The following PRTG variants were observed in gnomAD, a reference collection of about 807,000 sequenced individuals.
The protein encoded by PRTG is protogenin.
In PRTG, 67 loss-of-function variants were observed where a neutral mutation model predicts 122.5. The ratio of observed to expected loss-of-function variants is 0.55; its 90% CI spans 0.45 to 0.67. The LOEUF is 0.67. Ranked by LOEUF, PRTG falls within the 30% of genes least tolerant of loss-of-function variation. The pLI, the probability that PRTG is intolerant of heterozygous loss-of-function variation, is 0.00. For missense variants in PRTG, 1,435 were observed against 1,415.4 expected, an observed-to-expected ratio of 1.01 and a Z score of -0.22; for synonymous variants, 554 against 501.1, an observed-to-expected ratio of 1.11 and a Z score of -1.41.
intron 11 of PRTG, chr15:55,656,207 C>A: frequency 3.3e-6 from 1 of 298,862 alleles, no homozygotes; most frequent in South Asian, 3.1e-5. Flanking sequence ...CACAAGAATC[C>A]AGGATTACAC....
At chr15:55,695,932 T>C (rs1378354222) in intron 2 of PRTG, among the ~76,000 whole-genome samples, 2 of 151,048 alleles carry the variant, frequency 1.3e-5, no homozygotes, top group African/African-American at 2.4e-5. Flanking sequence ...GATTGCACCA[T>C]TGCACTCCAA....
In PRTG at chr15:55,739,893, G is replaced by T. The variant is rs2031554669; in HGVS notation, c.397+489C>A. ...AAAGGCTTAAGAGTGACTGACCAAT[G>T]CCCTCTCATACAATTAAAAGGCAAC... On this transcript the variant is annotated intron_variant, in intron 2 of 19. Transcript: ENST00000389286. 3.3e-5 allele frequency among the ~76,000 whole-genome samples: 5 copies of T among 152,152 alleles called. 1 individual carries two copies. The highest frequency in any genetic ancestry group is 3.3e-4 in the Admixed American group (5 of 15,266).
rs534152108 is a variant in PRTG, at chr15:55,730,284, T to C, written c.397+10098A>G. ...GCCCAGCTAATTTTTGTATTTTTAGTAGAGACAGGGTTTCACCACGTTTGC... is the reference window on the plus strand; with the variant it reads ...GCCCAGCTAATTTTTGTATTTTTAGCAGAGACAGGGTTTCACCACGTTTGC... On this transcript the variant is annotated intron_variant, in intron 2 of 19. Coordinates refer to ENST00000389286, the MANE Select transcript of PRTG (RefSeq NM_173814.6). Among the ~76,000 whole-genome samples, 3 of 152,122 alleles carry C rather than the reference T, an allele frequency of 2.0e-5. No individual in the cohort carries two copies. The East Asian group carries it at 5.9e-4, about 30-fold the overall frequency.
At chr15:55,734,726 G>A (rs2031355165) in intron 2 of PRTG, among the ~76,000 whole-genome samples, 1 of 129,896 alleles carries the variant, frequency 7.7e-6, no homozygotes. Context: ...CTCATCAAAA[G>A]TAGTTTCTGA....
rs752934441 is a variant in PRTG, at chr15:55,672,428, A to C, written c.2041+17T>G. 2 of 1,583,644 alleles carry C rather than the reference A, an allele frequency of 1.3e-6. No homozygotes were observed. The highest frequency in any genetic ancestry group is 1.7e-6 in the Non-Finnish European group (2 of 1,166,310). ...AGAGGAAGGAAAAAGGGAAAAATACAGTACAAACTCACTCACCTAAGCCAC... is the reference window on the plus strand; with the variant it reads ...AGAGGAAGGAAAAAGGGAAAAATACCGTACAAACTCACTCACCTAAGCCAC... On this transcript the variant is annotated intron_variant, in intron 11 of 19. Transcript: ENST00000389286.
At chr15:55,733,668 A>G (rs1225074998) in intron 2 of PRTG, among the ~76,000 whole-genome samples, 1 of 152,058 alleles carries the variant, frequency 6.6e-6, no homozygotes, top group Non-Finnish European at 1.5e-5. Flanking sequence ...CTCTACAAAA[A>G]ATTTAAAAAT....
intron 2 of PRTG, among the ~76,000 whole-genome samples, chr15:55,714,205 GTCTCTCTCTC>G (rs3049129): frequency 5.6e-5 from 8 of 142,684 alleles, no homozygotes; most frequent in Middle Eastern, 6.4e-3. Context: ...CTATTTATCT[GTCTCTCTCTC>G]TCTCTCTCTC....
Position 55,673,486 on chromosome 15 carries a change from T to C in PRTG, c.1737A>G (p.Glu579=). The C allele has an allele frequency of 6.2e-7, 1 of 1,614,138 alleles. No homozygotes were observed. ...LPGTTHEYLL[E]GLKPDSVYLV... ...GGTAGACACTGTCAGGTTTCAGGCCTTCCAAAAGGTACTCATGCGTGGTCC... is the reference window on the plus strand; with the variant it reads ...GGTAGACACTGTCAGGTTTCAGGCCCTCCAAAAGGTACTCATGCGTGGTCC... Residue 579 remains glutamate (E), a synonymous_variant, in exon 10 of 20, where the codon GAA becomes GAG. Coordinates refer to ENST00000389286, the MANE Select transcript of PRTG (RefSeq NM_173814.6).
At chr15:55,706,582 CAA>C (rs59227432) in intron 2 of PRTG, among the ~76,000 whole-genome samples, 47,399 of 97,788 alleles carry the variant, frequency 0.48, 10,459 homozygotes, top group Middle Eastern at 0.58. Flanking sequence ...TTGTCTCTAC[CAA>C]AAAAAAAAAA....
chr15:55,633,993 T>C (rs2059242272), intron 15 of PRTG, among the ~76,000 whole-genome samples: 1 of 152,050 alleles, frequency 6.6e-6, no homozygotes, highest in African/African-American at 2.4e-5. Context: ...GACAAAATAC[T>C]ATTTTCTGAG....
At chr15:55,685,027 G>C (rs1325400739) in intron 2 of PRTG, among the ~76,000 whole-genome samples, 1 of 152,100 alleles carries the variant, frequency 6.6e-6, no homozygotes, top group African/African-American at 2.4e-5. Context: ...GTAAATTCCA[G>C]GTTTCCCTTC....
rs371465480 is a variant in PRTG at position 55,639,722 on chromosome 15, G to A, written c.2244C>T (p.Thr748=). ...IFLHWRRPAF[T]AAQIINYTIR... Reference sequence around the variant, plus strand: ...TGGTGTAGTTAATGATTTGTGCAGCGGTGAATGCAGGCCTCCTCCAGTGCA... The same window carrying A: ...TGGTGTAGTTAATGATTTGTGCAGCAGTGAATGCAGGCCTCCTCCAGTGCA... The change falls in exon 13 of 20, where the codon ACC becomes ACT. Residue 748 remains threonine, a synonymous_variant. Coordinates refer to ENST00000389286, the MANE Select transcript of PRTG (RefSeq NM_173814.6). The A allele has an allele frequency of 5.0e-5, 80 of 1,614,012 alleles. No homozygotes were observed. Among genetic ancestry groups the A allele is most frequent in the African/African-American group, 3.6e-4 (27 of 74,912 alleles).
intron 2 of PRTG, among the ~76,000 whole-genome samples, chr15:55,709,081 G>A (rs913101734): frequency 6.6e-4 from 97 of 146,906 alleles, no homozygotes; most frequent in Non-Finnish European, 4.3e-4. Flanking sequence ...AGGAGGCGGA[G>A]GTTGCGGTGA....
At chr15:55,654,535 G>A (rs1004491789) in intron 11 of PRTG, among the ~76,000 whole-genome samples, 5 of 152,142 alleles carry the variant, frequency 3.3e-5, no homozygotes, top group East Asian at 1.9e-4. Context: ...ATCAGAAAAC[G>A]AAATAAATTT....
Position 55,680,072 on chromosome 15 carries a change from C to T in PRTG, c.955G>A (p.Ala319Thr). 2.5e-6 allele frequency: 4 copies of T among 1,613,498 alleles called. No individual in the cohort carries two copies. The highest frequency in any genetic ancestry group is 3.4e-6 in the Non-Finnish European group (4 of 1,179,626). The change falls in exon 6 of 20, where the codon GCA becomes ACA. Residue 319 changes from alanine (A) to threonine (T), a missense_variant. Transcript: ENST00000389286. ...PGTRNFTVAM[A>T]TLTVLAPPSF... ...AACATACCTAATACAGTTAAAGTTG[C>T]CATAGCAACTGTAAAGTTGCGTGTG...
At chr15:55,645,098 T>C (rs2059313105) in intron 11 of PRTG, among the ~76,000 whole-genome samples, 1 of 152,128 alleles carries the variant, frequency 6.6e-6, no homozygotes, top group Non-Finnish European at 1.5e-5. Flanking sequence ...GGTTCATTCT[T>C]GTTCATTAAT....
At chr15:55,730,698 G>A (rs1819301365) in intron 2 of PRTG, among the ~76,000 whole-genome samples, 1 of 152,058 alleles carries the variant, frequency 6.6e-6, no homozygotes, top group Non-Finnish European at 1.5e-5. Flanking sequence ...TACTTGGGAG[G>A]CTGAGGCAGG....
At position 55,620,148 on chromosome 15, in the gene PRTG, C is replaced by T. The variant is rs971877865; in HGVS notation, c.3317G>A (p.Gly1106Asp). 3 of 1,614,176 alleles carry T rather than the reference C, an allele frequency of 1.9e-6. No individual in the cohort carries two copies. The highest frequency in any genetic ancestry group is 2.7e-5 in the African/African-American group (2 of 75,038). Residue 1106 changes from glycine (G) to aspartate (D), a missense_variant, in exon 20 of 20, where the codon GGT becomes GAT. By Grantham distance (94) the Gly-to-Asp change is moderately conservative. Coordinates refer to ENST00000389286, the MANE Select transcript of PRTG (RefSeq NM_173814.6). Reference protein sequence around the residue: ...GQTTSFSRPFGVAADTEHSAN... With the variant: ...GQTTSFSRPFDVAADTEHSAN... The stretch of plus-strand genomic sequence containing the variant: ...TGAATGTTCTGTATCAGCTGCAACA[C>T]CAAAGGGTCTTGAGAAGCTGGTTGT...
rs561699148 is a variant in PRTG, at chr15:55,701,270, CT to C, written c.398-17340del. Among the ~76,000 whole-genome samples the C allele has an allele frequency of 1.8e-3, 273 of 152,316 alleles. 2 individuals are homozygous for C. Among genetic ancestry groups the C allele is most frequent in the Middle Eastern group, 3.4e-3 (1 of 294 alleles). ...CTGCATTCTTGGCCGGGCGCGGTGG[CT>C]CACGCCTGTAATCCCAGCACTTTGG... On this transcript the variant is annotated intron_variant, in intron 2 of 19. Coordinates refer to ENST00000389286, the MANE Select transcript of PRTG (RefSeq NM_173814.6).
Sources: allele counts gnomAD v4.1 joint callset (sites outside exome capture counted in the v4.1 genomes callset), GRCh38; gene constraint gnomAD v4.1.1; transcripts MANE v1.5; gene names NCBI Gene and HGNC (gene_info 2026-07-23, HGNC 2026-07-21).